KCNK2: variants seen among roughly 807,000 people sequenced by gnomAD.
The protein encoded by KCNK2 is potassium two pore domain channel subfamily K member 2.
Under a neutral mutation model 40.5 loss-of-function variants are expected in KCNK2, and 21 were observed. The observed-to-expected ratio is 0.52, with a 90% CI of 0.37 to 0.75. The LOEUF (loss-of-function observed/expected upper bound fraction) is 0.75. KCNK2 is among the 30% of genes least tolerant of loss of function. The pLI is 0.00. For missense variants in KCNK2, 399 were observed against 531.6 expected (o/e 0.75, Z 2.45); for synonymous variants, 191 against 202.2 (o/e 0.94, Z 0.47).
intron 6 of KCNK2, among the ~76,000 whole-genome samples, chr1:215,208,021 G>T (rs1306795923): frequency 1.3e-5 from 2 of 152,116 alleles, no homozygotes. Flanking sequence ...CCATTACTGG[G>T]TATATACCTA....
chr1:215,112,130 C>A (rs930298100), intron 2 of KCNK2, among the ~76,000 whole-genome samples: 3 of 151,998 alleles, frequency 2.0e-5, no homozygotes, highest in Admixed American at 2.0e-4. Flanking sequence ...ATGCTGTTAG[C>A]TGGACAAGAC....
chr1:215,208,618 C>CT (rs1428648165), intron 6 of KCNK2, among the ~76,000 whole-genome samples: 1 of 152,098 alleles, frequency 6.6e-6, no homozygotes, highest in Non-Finnish European at 1.5e-5. Flanking sequence ...TCAGCAAGCC[C>CT]TTGAGTATCT....
intron 2 of KCNK2, among the ~76,000 whole-genome samples, chr1:215,092,109 G>A (rs1358136843): frequency 6.6e-6 from 1 of 152,186 alleles, no homozygotes; most frequent in Non-Finnish European, 1.5e-5. Flanking sequence ...CAGGCAGGAG[G>A]CTGTTGTAAT....
chr1:215,216,447 GATT>G (rs987598845), intron 6 of KCNK2, among the ~76,000 whole-genome samples: 17 of 145,874 alleles, frequency 1.2e-4, no homozygotes, highest in African/African-American at 4.2e-4. Context: ...TTGTATATCA[GATT>G]ATTATATGTA....
intron 2 of KCNK2, among the ~76,000 whole-genome samples, chr1:215,112,210 T>C (rs945583225): frequency 1.3e-5 from 2 of 152,080 alleles, no homozygotes; most frequent in African/African-American, 4.8e-5. Flanking sequence ...CAGTCTTCTC[T>C]TTCCCTCCCC....
At chr1:215,234,558 A>T (rs1666799080) in intron 6 of KCNK2, among the ~76,000 whole-genome samples, 1 of 108,086 alleles carries the variant, frequency 9.3e-6, no homozygotes, top group Non-Finnish European at 2.3e-5. Flanking sequence ...GGATTCATGT[A>T]TAAAAAACAA....
In KCNK2 at chr1:215,208,452, T is replaced by C. The variant is rs543292952; in HGVS notation, c.963+13360T>C. ...AAATATTCTGTACAACAAATCCCCA[T>C]GCCACATGTTTACTTATGTAACAAA... is the stretch of plus-strand genomic sequence containing the variant. On this transcript the variant is annotated intron_variant, in intron 6 of 6. Coordinates refer to ENST00000444842, the MANE Select transcript of KCNK2 (RefSeq NM_001017425.3). Among the ~76,000 whole-genome samples the C allele has an allele frequency of 3.3e-5, 5 of 152,260 alleles. No homozygotes were observed. In the South Asian group the frequency reaches 1.0e-3, roughly 32 times the overall value.
chr1:215,022,633 G>C (rs1034561547), intron 1 of KCNK2, among the ~76,000 whole-genome samples: 4 of 151,982 alleles, frequency 2.6e-5, no homozygotes, highest in African/African-American at 9.7e-5. Context: ...TCCAGGTCAC[G>C]GGCTCCATTC....
At chr1:215,017,384 G>A (rs879588913) in intron 1 of KCNK2, among the ~76,000 whole-genome samples, 6 of 152,022 alleles carry the variant, frequency 3.9e-5, no homozygotes, top group Non-Finnish European at 7.4e-5. Flanking sequence ...TGTGGTATAT[G>A]AACAATAGAA....
intron 3 of KCNK2, among the ~76,000 whole-genome samples, chr1:215,141,529 T>C (rs959880991): frequency 6.7e-6 from 1 of 150,102 alleles, no homozygotes; most frequent in African/African-American, 2.5e-5. Context: ...ATTCTGAAGA[T>C]TTATCTCACG....
At chr1:215,021,598 T>G (rs1344214632) in intron 1 of KCNK2, among the ~76,000 whole-genome samples, 5 of 137,868 alleles carry the variant, frequency 3.6e-5, no homozygotes, top group African/African-American at 1.1e-4. Flanking sequence ...CAGGCTGGAG[T>G]GCAGTGGCGC....
intron 1 of KCNK2, among the ~76,000 whole-genome samples, chr1:215,070,242 C>G (rs574446305): frequency 6.0e-3 from 82 of 13,768 alleles, no homozygotes; most frequent in African/African-American, 7.2e-3. Flanking sequence ...AACCCCATCT[C>G]TGCTAAAAAA....
intron 6 of KCNK2, among the ~76,000 whole-genome samples, chr1:215,218,082 G>A (rs937447827): frequency 6.6e-6 from 1 of 152,158 alleles, no homozygotes; most frequent in Non-Finnish European, 1.5e-5. Flanking sequence ...GAAGGAAGGA[G>A]TCAAAAGGGG....
intron 2 of KCNK2, among the ~76,000 whole-genome samples, chr1:215,103,803 G>A (rs555279439): frequency 1.1e-4 from 16 of 152,012 alleles, no homozygotes; most frequent in South Asian, 8.3e-4. Flanking sequence ...TCAAAACCTC[G>A]CAATCATATT....
intron 5 of KCNK2, among the ~76,000 whole-genome samples, chr1:215,184,011 G>T (rs1361562940): frequency 6.6e-6 from 1 of 152,130 alleles, no homozygotes; most frequent in African/African-American, 2.4e-5. Context: ...AAAATACAGT[G>T]TACACCTCTC....
chr1:215,146,723 CA>C (rs2102607041), intron 3 of KCNK2, among the ~76,000 whole-genome samples: 1 of 152,290 alleles, frequency 6.6e-6, no homozygotes, highest in South Asian at 2.1e-4. Flanking sequence ...GCCTTAATCT[CA>C]AACACTTGCT....
chr1:215,135,984 C>T (rs989720484), intron 3 of KCNK2, among the ~76,000 whole-genome samples: 4 of 152,158 alleles, frequency 2.6e-5, no homozygotes, highest in Non-Finnish European at 5.9e-5. Flanking sequence ...CCACCCACCT[C>T]AGCCTCCCGA....
At chr1:215,216,174 T>G (rs1468903965) in intron 6 of KCNK2, among the ~76,000 whole-genome samples, 3 of 152,100 alleles carry the variant, frequency 2.0e-5, no homozygotes, top group South Asian at 2.1e-4. Flanking sequence ...ATGAGGGATA[T>G]TTCTGATTTT....
At chr1:215,056,828 C>T (rs1658187384) in intron 1 of KCNK2, among the ~76,000 whole-genome samples, 1 of 152,046 alleles carries the variant, frequency 6.6e-6, no homozygotes, top group Admixed American at 6.5e-5. Context: ...CACAGAACCA[C>T]ATTCAAATCC....
Sources: gnomAD v4.1 joint callset for allele counts (sites outside exome capture counted in the v4.1 genomes callset) on GRCh38, gnomAD v4.1.1 for gene constraint, MANE v1.5 for transcripts, NCBI Gene and HGNC (gene_info 2026-07-23, HGNC 2026-07-21) for gene names.